Variants in CDH22 observed in about 807,000 individuals in gnomAD.
CDH22 encodes cadherin 22.
A neutral mutation model predicts 58.4 loss-of-function variants in CDH22; 30 were observed. The ratio of observed to expected loss-of-function variants is 0.51; its 90% CI spans 0.38 to 0.70. The LOEUF is 0.70. Among genes scored for constraint, CDH22 ranks in the 30% least tolerant of loss-of-function variants. CDH22 has a pLI of 0.00. For missense variants in CDH22, 1,014 were observed against 1,233.9 expected (o/e 0.82, Z 2.67); for synonymous variants, 513 against 558.2 (o/e 0.92, Z 1.14).
intron 1 of CDH22, among the ~76,000 whole-genome samples, chr20:46,273,549 T>A (rs1023843693): frequency 1.1e-4 from 16 of 152,190 alleles, no homozygotes; most frequent in Admixed American, 2.6e-4. Flanking sequence ...GTGTCCAATG[T>A]CCCTACTCTT....
chr20:46,301,852 TAAAG>T (rs2086653657), intron 1 of CDH22, among the ~76,000 whole-genome samples: 1 of 152,114 alleles, frequency 6.6e-6, no homozygotes, highest in South Asian at 2.1e-4. Flanking sequence ...ACTTGAGTGA[TAAAG>T]AAACAACAGA....
At chr20:46,180,096 C>T (rs976364092) in intron 10 of CDH22, among the ~76,000 whole-genome samples, 5 of 152,226 alleles carry the variant, frequency 3.3e-5, no homozygotes, top group East Asian at 1.9e-4. Context: ...GCACTTGTCA[C>T]GTTGTGTTAA....
intron 1 of CDH22, among the ~76,000 whole-genome samples, chr20:46,267,603 C>T (rs924624371): frequency 3.9e-5 from 6 of 152,210 alleles, no homozygotes; most frequent in Non-Finnish European, 4.4e-5. Flanking sequence ...AGCTGAATGG[C>T]GTCTCCCAAC....
At chr20:46,288,916 G>A (rs1252015270) in intron 1 of CDH22, among the ~76,000 whole-genome samples, 7 of 152,182 alleles carry the variant, frequency 4.6e-5, no homozygotes, top group African/African-American at 1.4e-4. Context: ...CCTGCAGACT[G>A]TTCTCAGTTA....
chr20:46,237,474 G>A (rs2086261628), intron 3 of CDH22, among the ~76,000 whole-genome samples: 1 of 152,208 alleles, frequency 6.6e-6, no homozygotes, highest in Admixed American at 6.5e-5. Context: ...AGCCGGATCA[G>A]GAGGCTCAGT....
At chr20:46,184,104 T>TC (rs1491562920) in intron 10 of CDH22, among the ~76,000 whole-genome samples, 24 of 116,762 alleles carry the variant, frequency 2.1e-4, no homozygotes, top group Admixed American at 7.5e-4. Context: ...TCTCTCTCTC[T>TC]TTTTTTTTTT....
intron 5 of CDH22, among the ~76,000 whole-genome samples, chr20:46,214,974 A>G (rs2086073411): frequency 6.6e-6 from 1 of 152,282 alleles, no homozygotes; most frequent in African/African-American, 2.4e-5. Flanking sequence ...GAGTGTATGA[A>G]TGAAAACCAG....
chr20:46,183,921 T>G (rs866180537), intron 10 of CDH22, among the ~76,000 whole-genome samples: 1 of 152,138 alleles, frequency 6.6e-6, no homozygotes, highest in Non-Finnish European at 1.5e-5. Context: ...GTCTCCTCCA[T>G]TCCTAATCCA....
chr20:46,274,806 T>C (rs2425838), intron 1 of CDH22, among the ~76,000 whole-genome samples: 99,431 of 148,438 alleles, frequency 0.67, 33,441 homozygotes, highest in East Asian at 0.76. Flanking sequence ...AAACATTATG[T>C]GCAATGAAAT....
At chr20:46,214,675 C>G (rs557489160) in intron 5 of CDH22, among the ~76,000 whole-genome samples, 1 of 152,338 alleles carries the variant, frequency 6.6e-6, no homozygotes, top group East Asian at 1.9e-4. Flanking sequence ...TCTCCCTGTC[C>G]TCCTCTCTGC....
intron 1 of CDH22, among the ~76,000 whole-genome samples, chr20:46,287,657 G>A (rs971640090): frequency 6.6e-6 from 1 of 151,926 alleles, no homozygotes; most frequent in Non-Finnish European, 1.5e-5. Flanking sequence ...GCCACACCGT[G>A]CAGGATCTCG....
chr20:46,200,101 G>A (rs1355267440), intron 7 of CDH22, among the ~76,000 whole-genome samples: 1 of 152,044 alleles, frequency 6.6e-6, no homozygotes, highest in Non-Finnish European at 1.5e-5. Flanking sequence ...AGTCTCCCGA[G>A]TAGCTGGGAC....
At chr20:46,197,025 A>C (rs1418350490) in intron 8 of CDH22, among the ~76,000 whole-genome samples, 1 of 152,064 alleles carries the variant, frequency 6.6e-6, no homozygotes. Context: ...TTTCAGAGAT[A>C]CATCTCCTTC....
At chr20:46,260,826 C>T (rs1693960742) in intron 1 of CDH22, among the ~76,000 whole-genome samples, 1 of 152,220 alleles carries the variant, frequency 6.6e-6, no homozygotes. Context: ...TGGCTTTCCG[C>T]CTATGGACAG....
In CDH22 at chr20:46,284,580, G is replaced by A. The variant is rs1310878714; in HGVS notation, c.-400+23675C>T. 2.6e-5 allele frequency among the ~76,000 whole-genome samples: 4 copies of A among 152,218 alleles called. No individual in the cohort carries two copies. In the East Asian group the frequency reaches 7.7e-4, roughly 29 times the overall value. On this transcript the variant is annotated intron_variant, in intron 1 of 11. Transcript: ENST00000537909. ...GTGCAGACTCAGAGGTGGGGCCGAT[G>A]TTCAGCTAGCCCTGTCAGTTGTTTT...
intron 1 of CDH22, among the ~76,000 whole-genome samples, chr20:46,306,290 C>G (rs930175499): frequency 6.6e-6 from 1 of 152,250 alleles, no homozygotes; most frequent in African/African-American, 2.4e-5. Flanking sequence ...GTTCCTATTC[C>G]GGCTCTGGGT....
At chr20:46,249,586 G>A (rs914446276) in intron 2 of CDH22, among the ~76,000 whole-genome samples, 1 of 152,110 alleles carries the variant, frequency 6.6e-6, no homozygotes, top group Non-Finnish European at 1.5e-5. Context: ...CCTTGTCAAG[G>A]ATCCTGATCT....
At position 46,210,290 on chromosome 20, in the gene CDH22, C is replaced by T; in HGVS notation, c.1286+17G>A. On this transcript the variant is annotated intron_variant, in intron 7 of 11. Transcript: ENST00000537909. This position sits in a 1 kb window ranked among gnomAD's most constrained non-coding sequence, Gnocchi z 4.5. The stretch of plus-strand genomic sequence containing the variant: ...GGATAGCAGGCAGCAGGCGTCGGCC[C>T]CGGGCGGGGGTCTCACCGGACGGGC... 1 of 1,390,828 alleles carries T rather than the reference C, an allele frequency of 7.2e-7. No individual in the cohort carries two copies. The highest frequency in any genetic ancestry group is 1.6e-5 in the South Asian group (1 of 64,318). 86.2% of individuals were successfully genotyped at this position (1,390,828 alleles called of 1,614,324 possible).
At chr20:46,295,692 T>C (rs1241435493) in intron 1 of CDH22, among the ~76,000 whole-genome samples, 2 of 152,216 alleles carry the variant, frequency 1.3e-5, no homozygotes, top group Non-Finnish European at 2.9e-5. Flanking sequence ...TCCTCATTCC[T>C]CCTGATAGGT....
Sources: allele counts gnomAD v4.1 joint callset (sites outside exome capture counted in the v4.1 genomes callset), GRCh38; gene constraint gnomAD v4.1.1; non-coding constraint Gnocchi (gnomAD v3.1); transcripts MANE v1.5; gene names NCBI Gene and HGNC (gene_info 2026-07-23, HGNC 2026-07-21).